OSBPL10: variants seen among roughly 807,000 people sequenced by gnomAD.
OSBPL10 encodes the protein oxysterol binding protein like 10, also known as oxysterol-binding protein-related protein 10.
Under a neutral mutation model 81.7 loss-of-function variants are expected in OSBPL10, and 49 were observed. That is an observed-to-expected ratio of 0.60 (90% confidence interval 0.48 to 0.76). OSBPL10 has a LOEUF of 0.76. OSBPL10 is among the 30% of genes least tolerant of loss of function. The pLI is 0.00. For missense variants in OSBPL10, 923 were observed against 987.8 expected (o/e 0.93, Z 0.88); for synonymous variants, 419 against 383.6 (o/e 1.09, Z -1.08).
upstream of OSBPL10, chr3:31,981,294 C>A: frequency 7.8e-7 from 1 of 1,283,230 alleles, no homozygotes; most frequent in Non-Finnish European, 9.8e-7. The surrounding 1 kb of genome is among the most constrained non-coding windows in gnomAD (Gnocchi z 4.5). Context: ...TCCAAATCCC[C>A]GGGAAATGCC....
chr3:31,682,939 CA>C (rs1700688949), intron 8 of OSBPL10, among the ~76,000 whole-genome samples: 1 of 152,076 alleles, frequency 6.6e-6, no homozygotes, highest in South Asian at 2.1e-4. Context: ...AACTCAAAGA[CA>C]AATTTGGAGT....
At chr3:31,751,169 CAACAACAACAA>C (rs1410007194) in intron 4 of OSBPL10, among the ~76,000 whole-genome samples, 2 of 151,444 alleles carry the variant, frequency 1.3e-5, no homozygotes, top group Non-Finnish European at 2.9e-5. Context: ...AACAAACAAA[CAACAACAACAA>C]AACAACAACA....
intron 1 of OSBPL10, among the ~76,000 whole-genome samples, chr3:31,948,554 C>T (rs1166733568): frequency 3.3e-5 from 5 of 152,310 alleles, no homozygotes; most frequent in Non-Finnish European, 7.3e-5. Context: ...GGCAGTCATC[C>T]TCCGTCATAT....
intron 7 of OSBPL10, among the ~76,000 whole-genome samples, chr3:31,699,163 GCTTGGAA>G (rs982749005): frequency 1.2e-4 from 18 of 152,312 alleles, no homozygotes; most frequent in African/African-American, 3.8e-4. Flanking sequence ...TCTCCTTGGA[GCTTGGAA>G]CTTGGCACAA....
At chr3:32,007,311 G>T (rs1432964220) in intron 2 of OSBPL10, among the ~76,000 whole-genome samples, 1 of 152,134 alleles carries the variant, frequency 6.6e-6, no homozygotes, top group Non-Finnish European at 1.5e-5. Flanking sequence ...ATCAGTAAAA[G>T]AACTATATGT....
rs1699772490 is a variant in OSBPL10 at position 32,065,855 on chromosome 3, A to G, written n.185+11541T>C. ...CAGTCAGCAGAGACTGCACCACTAG[A>G]CTCCAGCCTGGGCAACGGAGCAAGA... is the stretch of plus-strand genomic sequence containing the variant. On this transcript the variant is annotated intron_variant and non_coding_transcript_variant, in intron 1 of 3. Coordinates refer to the OSBPL10 transcript ENST00000479173. Among the ~76,000 whole-genome samples the G allele has an allele frequency of 2.3e-5, 2 of 86,022 alleles. 1 individual carries two copies. The highest frequency in any genetic ancestry group is 6.1e-5 in the Non-Finnish European group (2 of 32,722). 56.4% of individuals were successfully genotyped at this position (86,022 alleles called of 152,430 possible).
chr3:32,053,001 G>A (rs1699681115), intron 1 of OSBPL10, among the ~76,000 whole-genome samples: 1 of 152,146 alleles, frequency 6.6e-6, no homozygotes, highest in Non-Finnish European at 1.5e-5. Context: ...ACCTGCCTTG[G>A]AGCCAGTAGA....
In OSBPL10 at chr3:32,024,551, C is replaced by T. The variant is rs1291085518; in HGVS notation, n.298+21940G>A. Among the ~76,000 whole-genome samples, 4 of 135,468 alleles carry T rather than the reference C, an allele frequency of 3.0e-5. No individual in the cohort carries two copies. In the East Asian group the frequency reaches 9.5e-4, roughly 32 times the overall value. The allele number at this position is 135,468 out of a possible 152,430, so 88.9% of individuals were successfully genotyped here. On this transcript the variant is annotated intron_variant and non_coding_transcript_variant, in intron 2 of 3. Transcript: ENST00000479173. ...TGTCCCTCAGGCTGGAGTGCGATGG[C>T]ATGATCTCGGCTCACTGCAACCTCC...
intron 2 of OSBPL10, among the ~76,000 whole-genome samples, chr3:32,000,118 G>A (rs1295623336): frequency 6.6e-6 from 1 of 152,056 alleles, no homozygotes; most frequent in Non-Finnish European, 1.5e-5. Flanking sequence ...AGTCATACCA[G>A]CTTATTCTAT....
At chr3:31,773,386 C>A (rs1698438576) in intron 4 of OSBPL10, among the ~76,000 whole-genome samples, 1 of 152,140 alleles carries the variant, frequency 6.6e-6, no homozygotes, top group Non-Finnish European at 1.5e-5. Flanking sequence ...CAAGAAAATG[C>A]CCAAACATGC....
intron 1 of OSBPL10, among the ~76,000 whole-genome samples, chr3:31,930,778 G>A (rs1275332857): frequency 6.6e-6 from 1 of 152,016 alleles, no homozygotes; most frequent in Non-Finnish European, 1.5e-5. Flanking sequence ...ACTTTGGGAG[G>A]CCGAGGCGGG....
intron 3 of OSBPL10, among the ~76,000 whole-genome samples, chr3:31,851,692 A>G (rs1575583006): frequency 6.6e-6 from 1 of 152,218 alleles, no homozygotes; most frequent in South Asian, 2.1e-4. Context: ...TTGCTTCTTC[A>G]GCAACATGTG....
intron 7 of OSBPL10, among the ~76,000 whole-genome samples, chr3:31,697,994 C>G (rs548380847): frequency 1.8e-4 from 27 of 151,962 alleles, no homozygotes; most frequent in African/African-American, 6.5e-4. Flanking sequence ...GAACTCCTAA[C>G]CTTGTAATCC....
intron 1 of OSBPL10, among the ~76,000 whole-genome samples, chr3:31,932,588 C>T (rs1697279502): frequency 6.6e-6 from 1 of 152,130 alleles, no homozygotes; most frequent in Admixed American, 6.5e-5. Context: ...AATAAGTCTA[C>T]TATATCCTTA....
At chr3:31,694,677 A>G (rs1002556173) in intron 7 of OSBPL10, among the ~76,000 whole-genome samples, 1 of 152,196 alleles carries the variant, frequency 6.6e-6, no homozygotes. Context: ...TTGATTAGTA[A>G]CAACTTAAAT....
At chr3:31,703,746 A>G (rs923299357) in intron 6 of OSBPL10, 1 of 152,296 alleles carries the variant, frequency 6.6e-6, no homozygotes, top group African/African-American at 2.4e-5. Context: ...AGGTGTTCTC[A>G]ATCAGCTCTA....
chr3:31,982,280 G>T (rs1449399557), upstream of OSBPL10, among the ~76,000 whole-genome samples: 1 of 152,006 alleles, frequency 6.6e-6, no homozygotes, highest in Non-Finnish European at 1.5e-5. Context: ...AATATTTTTT[G>T]TGAATATAGA....
chr3:31,665,933 G>A (rs1490300427), intron 10 of OSBPL10, among the ~76,000 whole-genome samples: 2 of 152,118 alleles, frequency 1.3e-5, no homozygotes, highest in Non-Finnish European at 2.9e-5. Context: ...CAGGGTGATG[G>A]GACCAGAACC....
At chr3:31,682,758 C>T (rs1700684365) in intron 8 of OSBPL10, among the ~76,000 whole-genome samples, 1 of 152,208 alleles carries the variant, frequency 6.6e-6, no homozygotes. Flanking sequence ...AGAACAGAAG[C>T]ATCATCAGAA....
Sources: allele counts gnomAD v4.1 joint callset (sites outside exome capture counted in the v4.1 genomes callset), GRCh38; gene constraint gnomAD v4.1.1; non-coding constraint Gnocchi (gnomAD v3.1); transcripts MANE v1.5; gene names NCBI Gene and HGNC (gene_info 2026-07-23, HGNC 2026-07-21).